Variants in CTU2 observed in about 807,000 individuals in gnomAD.
CTU2 encodes cytoplasmic tRNA 2-thiolation protein 2.
In CTU2, 80 loss-of-function variants were observed where a neutral mutation model predicts 64.1. That is an observed-to-expected ratio of 1.25 (90% CI 1.04 to 1.50). The LOEUF is 1.50. CTU2 is among the 40% of genes most tolerant of loss of function. The pLI, the probability that CTU2 is intolerant of heterozygous loss-of-function variation, is 0.00. For synonymous variants in CTU2, 482 were observed against 285.3 expected (o/e 1.69, Z -6.95); for missense variants, 1,110 against 690.2 (o/e 1.61, Z -6.81).
Position 88,713,395 on chromosome 16 carries a change from A to C in CTU2, c.821A>C (p.Lys274Thr). Residue 274 changes from lysine to threonine, a missense_variant, in exon 8 of 15, where the codon AAG becomes ACG. Physicochemically the swap from Lys to Thr is moderately conservative, Grantham distance 78. Transcript: ENST00000453996. ...GACAGCTGCACACGCTTGGCTATCA[A>C]GCTCATGACCAACCTGGCGCTGGGT... ...TGDSCTRLAI[K>T]LMTNLALGRG... 1 of 1,603,014 alleles carries C rather than the reference A, an allele frequency of 6.2e-7. No individual in the cohort carries two copies. The highest frequency in any genetic ancestry group is 1.1e-5 in the South Asian group (1 of 89,702).
chr16:88,706,782 C>G, intron 1 of CTU2, 184 bp downstream of exon 1: 2 of 528,254 alleles, frequency 3.8e-6, no homozygotes. Flanking sequence ...ACTCCACTGG[C>G]TCGCGCCTCT....
chr16:88,712,045 A>C (rs1256297955), intron 5 of CTU2: 1 of 672,324 alleles, frequency 1.5e-6, no homozygotes, highest in East Asian at 2.7e-5. Context: ...CGACTCCCCG[A>C]CCCTTGCTCC....
At chr16:88,713,800 A>T in intron 9 of CTU2, 22 bp downstream of exon 9, 1 of 1,610,808 alleles carries the variant, frequency 6.2e-7, no homozygotes, top group Non-Finnish European at 8.5e-7. Flanking sequence ...GGGCTGGGCA[A>T]CCTCTCTCAC....
chr16:88,711,509 C>T, intron 4 of CTU2, 126 bp from the exon 5 acceptor site: 1 of 961,240 alleles, frequency 1.0e-6, no homozygotes, highest in East Asian at 2.8e-5. Context: ...CCAATAAACG[C>T]AATGGCAGGG....
rs143576129 is a variant in CTU2, at chr16:88,713,338, G to T, written c.764G>T (p.Arg255Leu). Residue 255 changes from arginine (R) to leucine (L), a missense_variant, in exon 8 of 15, where the codon CGA becomes CTA. Transcript: ENST00000453996. Reference sequence around the variant, plus strand: ...ACCCACCTGATCCTCCACATGGCCCGAGCCCACGGCTACTCCAAGGTCATG... The same window carrying T: ...ACCCACCTGATCCTCCACATGGCCCTAGCCCACGGCTACTCCAAGGTCATG... ...LRTHLILHMA[R>L]AHGYSKVMTG... The T allele has an allele frequency of 9.5e-5, 152 of 1,592,954 alleles. 4 individuals are homozygous for T. The African/African-American group carries it at 2.1e-3, about 22-fold the overall frequency.
In CTU2 at chr16:88,714,485, T is replaced by C. The variant is rs764868235; in HGVS notation, c.1200T>C (p.Ala400=). Residue 400 remains alanine, a splice_region_variant and synonymous_variant, in exon 11 of 15, where the codon GCT becomes GCC. Coordinates refer to ENST00000453996, the MANE Select transcript of CTU2 (RefSeq NM_001012759.3). ...TGTGTGCCCTGGACGTCGACGCCGC[T>C]GGTCTGTGTTTCATGCTCTTGGGGT... ...LCMCALDVDA[A]DSATAFGAQT... 1.2e-6 allele frequency: 2 copies of C among 1,612,478 alleles called. No homozygotes were observed. Among genetic ancestry groups the C allele is most frequent in the Non-Finnish European group, 1.7e-6 (2 of 1,179,866 alleles).
At chr16:88,706,924 C>T in intron 1 of CTU2, 1 of 582,994 alleles carries the variant, frequency 1.7e-6, no homozygotes, top group Non-Finnish European at 3.0e-6. Flanking sequence ...TTATGTGCCC[C>T]CTGAGCCGGC....
intron 2 of CTU2, chr16:88,708,968 A>G (rs1416386629): frequency 6.6e-6 from 1 of 152,318 alleles, no homozygotes; most frequent in East Asian, 1.9e-4. Flanking sequence ...AGATGGCTGG[A>G]AAGTTTATTA....
chr16:88,707,363 G>A (rs1256431013), intron 2 of CTU2, among the ~76,000 whole-genome samples, 153 bp downstream of exon 2: 2 of 152,232 alleles, frequency 1.3e-5, no homozygotes. Context: ...TGGTGTTGAA[G>A]TGGAGGCGAA....
Position 88,706,515 on chromosome 16 carries a change from G to C in CTU2, c.-16G>C. 2.8e-6 allele frequency: 4 copies of C among 1,420,936 alleles called. No homozygotes were observed. Among genetic ancestry groups the C allele is most frequent in the South Asian group, 2.9e-5 (2 of 70,032 alleles). 88.0% of individuals were successfully genotyped at this position (1,420,936 alleles called of 1,614,324 possible). On this transcript the variant is annotated 5_prime_UTR_variant, in exon 1 of 15. Coordinates refer to ENST00000453996, the MANE Select transcript of CTU2 (RefSeq NM_001012759.3). Reference sequence around the variant, plus strand: ...CGCTGTCGCCGCCACAGTCTGCGACGGGACCCGGCGTGCCCATGTGTCAGG... The same window carrying C: ...CGCTGTCGCCGCCACAGTCTGCGACCGGACCCGGCGTGCCCATGTGTCAGG...
chr16:88,707,679 C>G (rs1054494827), intron 2 of CTU2, among the ~76,000 whole-genome samples: 1 of 152,174 alleles, frequency 6.6e-6, no homozygotes, highest in Non-Finnish European at 1.5e-5. Context: ...TCATGTCTTT[C>G]TTGGCTTGTA....
In CTU2 at chr16:88,712,136, C is replaced by T. The variant is rs571453816; in HGVS notation, c.344-138C>T. On this transcript the variant is annotated intron_variant, in intron 5 of 14. Transcript: ENST00000453996. Reference sequence around the variant, plus strand: ...AAACCCCTGCCCAAAGGAAAATGGCCGACACCCCACAGCTCCGCCAGGAAG... The same window carrying T: ...AAACCCCTGCCCAAAGGAAAATGGCTGACACCCCACAGCTCCGCCAGGAAG... 158 of 785,234 alleles carry T rather than the reference C, an allele frequency of 2.0e-4. 1 individual carries two copies. In the East Asian group the frequency reaches 2.1e-3, roughly 10 times the overall value. 48.6% of individuals were successfully genotyped at this position (785,234 alleles called of 1,614,324 possible). A position where few individuals can be genotyped will look rare whatever the true frequency, so the allele number is the denominator to read the frequency against.
In CTU2 at chr16:88,713,292, T is replaced by C. The variant is rs747294391; in HGVS notation, c.738-20T>C. 3 of 1,319,194 alleles carry C rather than the reference T, an allele frequency of 2.3e-6. No homozygotes were observed. Among genetic ancestry groups the C allele is most frequent in the Non-Finnish European group, 2.0e-6 (2 of 1,007,364 alleles). 81.7% of individuals were successfully genotyped at this position (1,319,194 alleles called of 1,614,324 possible). On this transcript the variant is annotated intron_variant, in intron 7 of 14. Coordinates refer to ENST00000453996, the MANE Select transcript of CTU2 (RefSeq NM_001012759.3). ...CCGGGTCCTGCACCCCCCAGGCCCC[T>C]GAGACGCTCTGTGCTTTAGGACCCA...
Position 88,713,788 on chromosome 16 carries a change from G to A in CTU2, c.1005+10G>A, listed in dbSNP as rs771025534. ...AGCCGTCGACACCAAGGTGGGCCTT[G>A]TGGGCTGGGCAACCTCTCTCACCAT... On this transcript the variant is annotated intron_variant, in intron 9 of 14. Coordinates refer to ENST00000453996, the MANE Select transcript of CTU2 (RefSeq NM_001012759.3). The A allele has an allele frequency of 2.5e-6, 4 of 1,611,634 alleles. No homozygotes were observed. Among genetic ancestry groups the A allele is most frequent in the African/African-American group, 1.3e-5 (1 of 75,044 alleles).
At position 88,714,574 on chromosome 16, in the gene CTU2, T is replaced by C. The variant is rs762530360; in HGVS notation, c.1202-13T>C. 16 of 1,612,358 alleles carry C rather than the reference T, an allele frequency of 9.9e-6. No individual in the cohort carries two copies. The highest frequency in any genetic ancestry group is 1.3e-5 in the African/African-American group (1 of 74,912). ...AGCAGCCCCAGGCTCCGTCACCCCC[T>C]CTCTGCTTGCAGACAGTGCCACGGC... is the stretch of plus-strand genomic sequence containing the variant. On this transcript the variant is annotated splice_polypyrimidine_tract_variant and intron_variant, in intron 11 of 14. Transcript: ENST00000453996.
At chr16:88,714,051 C>A (rs908959061) in intron 9 of CTU2, 85 bp from the exon 10 acceptor site, 10 of 1,351,988 alleles carry the variant, frequency 7.4e-6, no homozygotes, top group African/African-American at 5.7e-5. Context: ...CAGCGTGGAA[C>A]CCACGGCACC....
At chr16:88,710,413 G>A (rs2142714258) in intron 4 of CTU2, 131 bp downstream of exon 4, 1 of 870,764 alleles carries the variant, frequency 1.1e-6, no homozygotes, top group Non-Finnish European at 1.8e-6. Context: ...GGACACTTGG[G>A]GGGTTCTCAG....
intron 12 of CTU2, 32 bp downstream of exon 12, chr16:88,714,769 C>T: frequency 1.2e-6 from 2 of 1,605,122 alleles, no homozygotes; most frequent in Non-Finnish European, 8.5e-7. Flanking sequence ...CCATGGCCAG[C>T]TGCATGGGGC....
intron 11 of CTU2, 43 bp from the exon 12 acceptor site, chr16:88,714,544 G>C: frequency 6.2e-7 from 1 of 1,611,986 alleles, no homozygotes; most frequent in Non-Finnish European, 8.5e-7. Flanking sequence ...TGGGTGTGGG[G>C]GCTCAGCAGC....
Sources: gnomAD v4.1 joint callset for allele counts (sites outside exome capture counted in the v4.1 genomes callset) on GRCh38, gnomAD v4.1.1 for gene constraint, MANE v1.5 for transcripts, NCBI Gene and HGNC (gene_info 2026-07-23, HGNC 2026-07-21) for gene names.